Variants in IGSF5 observed in about 807,000 individuals in gnomAD.
The protein encoded by IGSF5 is immunoglobulin superfamily member 5.
IGSF5 carries 41 observed loss-of-function variants against 39.4 expected under a neutral mutation model. The ratio of observed to expected loss-of-function variants is 1.04; its 90% CI spans 0.81 to 1.35. The LOEUF (loss-of-function observed/expected upper bound fraction) is 1.35. Ranked by LOEUF, IGSF5 falls within the 40% of genes most tolerant of loss-of-function variation. The pLI is 0.00. For synonymous variants in IGSF5, 183 were observed against 175.3 expected (o/e 1.04, Z -0.34); for missense variants, 487 against 494.6 (o/e 0.98, Z 0.15).
At chr21:39,739,070 G>A in the IGSF5 span, among the ~76,000 whole-genome samples, 30 of 152,000 alleles carry the variant, frequency 2.0e-4, no homozygotes, top group Middle Eastern at 3.4e-3. Flanking sequence ...TGTATTTTTT[G>A]TGGAGACTGC....
chr21:39,743,410 G>A (rs2079956254), upstream of IGSF5, among the ~76,000 whole-genome samples: 3 of 152,328 alleles, frequency 2.0e-5, no homozygotes, highest in South Asian at 2.1e-4. Flanking sequence ...AGCCATCAGG[G>A]TTATCTGAGA....
chr21:39,716,347 T>A, the IGSF5 span, among the ~76,000 whole-genome samples: 54 of 152,332 alleles, frequency 3.5e-4, 1 homozygote, highest in East Asian at 2.9e-3. Context: ...TTTCTTTTTT[T>A]AAAAAAATTT....
chr21:39,771,767 G>A (rs890505904), intron 4 of IGSF5, among the ~76,000 whole-genome samples: 1 of 152,212 alleles, frequency 6.6e-6, no homozygotes, highest in African/African-American at 2.4e-5. Flanking sequence ...AGAATCTCCT[G>A]TGGGGTTTTT....
the IGSF5 span, among the ~76,000 whole-genome samples, chr21:39,712,881 A>G: frequency 2.5e-3 from 380 of 152,166 alleles, 7 homozygotes; most frequent in East Asian, 0.034. Context: ...CTTGTAAGTC[A>G]CTCAACAACC....
intron 8 of IGSF5, among the ~76,000 whole-genome samples, chr21:39,794,142 C>G (rs988155013): frequency 6.6e-6 from 1 of 152,060 alleles, no homozygotes; most frequent in Non-Finnish European, 1.5e-5. Context: ...AAAATCCTGT[C>G]GGGGTTAGAA....
At chr21:39,760,247 T>C (rs1207495200) in intron 2 of IGSF5, among the ~76,000 whole-genome samples, 3 of 152,178 alleles carry the variant, frequency 2.0e-5, no homozygotes, top group Admixed American at 2.0e-4. Flanking sequence ...TGAGTAGTTG[T>C]TATGGATCAC....
chr21:39,792,884 C>T lies in IGSF5; in HGVS notation c.1049-650C>T, dbSNP rs534636155. ...CCTCCTCTGCAGGATGAACAGGACA[C>T]CTGCCCTCACAGGCTGCTGGGAACA... On this transcript the variant is annotated intron_variant, in intron 7 of 8. Coordinates refer to ENST00000380588, the MANE Select transcript of IGSF5 (RefSeq NM_001080444.2). Among the ~76,000 whole-genome samples the T allele has an allele frequency of 7.2e-5, 11 of 152,296 alleles. No individual in the cohort carries two copies. The East Asian group carries it at 2.1e-3, about 29-fold the overall frequency.
At chr21:39,786,853 C>T (rs1359201029) in intron 5 of IGSF5, among the ~76,000 whole-genome samples, 1 of 151,616 alleles carries the variant, frequency 6.6e-6, no homozygotes, top group Non-Finnish European at 1.5e-5. Flanking sequence ...TAAACTATCG[C>T]AAGAACAAAA....
intron 2 of IGSF5, among the ~76,000 whole-genome samples, chr21:39,755,514 G>A (rs146174027): frequency 0.11 from 16,193 of 151,482 alleles, 2,863 homozygotes; most frequent in African/African-American, 0.37. Context: ...ATGAACCTGG[G>A]AGGTGGAGCT....
At chr21:39,764,392 G>C (rs2080075788) in intron 2 of IGSF5, among the ~76,000 whole-genome samples, 4 of 152,186 alleles carry the variant, frequency 2.6e-5, no homozygotes, top group Admixed American at 2.6e-4. Context: ...CCAGGCTCTA[G>C]TGCGGTGGCG....
chr21:39,734,744 T>C, the IGSF5 span, among the ~76,000 whole-genome samples: 1 of 152,160 alleles, frequency 6.6e-6, no homozygotes, highest in African/African-American at 2.4e-5. Context: ...TACTTGTAAG[T>C]GATGTTATCA....
chr21:39,716,649 C>T, the IGSF5 span, among the ~76,000 whole-genome samples: 1 of 152,196 alleles, frequency 6.6e-6, no homozygotes, highest in South Asian at 2.1e-4. Flanking sequence ...GCCTCCAGCT[C>T]CATCTGTGTT....
At chr21:39,792,622 T>C (rs912186347) in intron 7 of IGSF5, among the ~76,000 whole-genome samples, 3 of 152,216 alleles carry the variant, frequency 2.0e-5, no homozygotes, top group African/African-American at 7.2e-5. Flanking sequence ...TGGGGGTAAC[T>C]TCCTCCCAAT....
At chr21:39,780,186 G>T (rs1601136086) in intron 5 of IGSF5, among the ~76,000 whole-genome samples, 1 of 111,910 alleles carries the variant, frequency 8.9e-6, no homozygotes, top group African/African-American at 4.8e-5. Context: ...TTATTTGTCT[G>T]TGTGTTTTAA....
the IGSF5 span, chr21:39,729,173 G>A: frequency 6.6e-6 from 1 of 152,248 alleles, no homozygotes; most frequent in African/African-American, 2.4e-5. Context: ...AGGGCCCACA[G>A]AAGCTCAGAT....
chr21:39,796,543 C>T (rs141976308), intron 8 of IGSF5, among the ~76,000 whole-genome samples: 171 of 152,340 alleles, frequency 1.1e-3, no homozygotes, highest in African/African-American at 3.9e-3. Context: ...CTCAGTTTTC[C>T]TTTCATCCTC....
chr21:39,757,697 C>T (rs1242425321), intron 2 of IGSF5, among the ~76,000 whole-genome samples: 2 of 151,984 alleles, frequency 1.3e-5, no homozygotes, highest in African/African-American at 2.4e-5. Flanking sequence ...CTGCCTCAGC[C>T]TCCTGAGTAC....
intron 8 of IGSF5, among the ~76,000 whole-genome samples, chr21:39,794,578 A>G (rs541980756): frequency 1.3e-5 from 2 of 152,352 alleles, no homozygotes; most frequent in Admixed American, 1.3e-4. Flanking sequence ...TAAATTAGGT[A>G]GAATATATAT....
chr21:39,744,530 A>T (rs415794), upstream of IGSF5, among the ~76,000 whole-genome samples: 124,045 of 151,848 alleles, frequency 0.82, 50,768 homozygotes, highest in Admixed American at 0.86. Context: ...TGTGTTTTTT[A>T]CCTCAATCAC....
Sources: allele counts gnomAD v4.1 joint callset (sites outside exome capture counted in the v4.1 genomes callset), GRCh38; gene constraint gnomAD v4.1.1; transcripts MANE v1.5; gene names NCBI Gene and HGNC (gene_info 2026-07-23, HGNC 2026-07-21).